Variants in NLGN4X observed in about 807,000 individuals in gnomAD.
NLGN4X encodes neuroligin 4 X-linked, also known as neuroligin-4, X-linked.
A neutral mutation model predicts 40.3 loss-of-function variants in NLGN4X; 3 were observed. The ratio of observed to expected loss-of-function variants is 0.07; its 90% CI spans 0.03 to 0.19. The LOEUF (loss-of-function observed/expected upper bound fraction) is 0.19. Ranked by LOEUF, NLGN4X falls within the 10% of genes least tolerant of loss-of-function variation. The probability of loss-of-function intolerance (pLI) is 1.00; values close to 1 mark genes in which losing one functional copy is unlikely to be tolerated. For synonymous variants in NLGN4X, 270 were observed against 306.8 expected (o/e 0.88, Z 1.25); for missense variants, 382 against 708.3 (o/e 0.54, Z 5.23).
chrX:6,170,225 C>T (rs1427697250), intron 1 of NLGN4X, among the ~76,000 whole-genome samples: 2 of 111,217 alleles, frequency 1.8e-5, no homozygotes, highest in South Asian at 7.7e-4. Flanking sequence ...GCACAAAGTG[C>T]TGGGATTGCA....
chrX:6,114,521 AACACACACACACACACACAC>A (rs529608747), intron 2 of NLGN4X, among the ~76,000 whole-genome samples: 1 of 95,665 alleles, frequency 1.0e-5, no homozygotes, highest in Non-Finnish European at 2.1e-5. Context: ...CAAAGTGGCA[AACACACACACACACACACAC>A]ACACACACAC....
chrX:6,164,581 G>A (rs943272800), intron 1 of NLGN4X, among the ~76,000 whole-genome samples: 9 of 112,001 alleles, frequency 8.0e-5, no homozygotes, highest in Non-Finnish European at 1.5e-4. Flanking sequence ...TGCAAGACAG[G>A]AGCCAGAACC....
chrX:6,159,854 G>A lies in NLGN4X; in HGVS notation c.-305-8083C>T, dbSNP rs747203112. ...TGAAGTAGCAAGGCATAACTGAAGC[G>A]AGACAATCCCTACTGCAGAAAATGG... On this transcript the variant is annotated intron_variant, in intron 1 of 5. Coordinates refer to ENST00000381095, the MANE Select transcript of NLGN4X (RefSeq NM_181332.3). Among the ~76,000 whole-genome samples the A allele has an allele frequency of 2.5e-4, 28 of 112,266 alleles. No individual in the cohort carries two copies. The South Asian group carries it at 8.2e-3, about 33-fold the overall frequency.
At chrX:6,179,143 T>C (rs1362710511) in intron 1 of NLGN4X, among the ~76,000 whole-genome samples, 6 of 35,359 alleles carry the variant, frequency 1.7e-4, no homozygotes, top group African/African-American at 9.3e-4. Context: ...TAAGCATCTA[T>C]TGACCTTTTT....
chrX:5,894,167 C>G (rs2031361574), intron 5 of NLGN4X, among the ~76,000 whole-genome samples: 1 of 111,722 alleles, frequency 9.0e-6, no homozygotes, highest in South Asian at 3.8e-4. Flanking sequence ...CCCTCTGGTG[C>G]ACAGGAGAGA....
intron 1 of NLGN4X, among the ~76,000 whole-genome samples, chrX:6,185,691 C>A (rs912537620): frequency 8.9e-6 from 1 of 111,976 alleles, no homozygotes; most frequent in African/African-American, 3.3e-5. Context: ...TGCATTTAAG[C>A]GTTCCTTTCT....
At chrX:6,138,253 AACTCTGGGTATATTCAT>A (rs1468941503) in intron 2 of NLGN4X, among the ~76,000 whole-genome samples, 5 of 112,125 alleles carry the variant, frequency 4.5e-5, no homozygotes, top group African/African-American at 1.6e-4. Flanking sequence ...ATCTCACATA[AACTCTGGGTATATTCAT>A]AACCTGTAAT....
intron 1 of NLGN4X, among the ~76,000 whole-genome samples, chrX:6,195,425 G>A (rs1382596216): frequency 3.6e-5 from 4 of 111,923 alleles, no homozygotes; most frequent in South Asian, 3.7e-4. Flanking sequence ...CCCACATCCC[G>A]CAATCTCCGC....
rs1030525397 is a variant in NLGN4X, at chrX:6,127,175, G to C, written c.472+23820C>G. ...TATATGACCTCCAGTTCCCTCCCTG[G>C]TAGGTAGGTCCAGTTCAACCTCAGC... On this transcript the variant is annotated intron_variant, in intron 2 of 5. Coordinates refer to ENST00000381095, the MANE Select transcript of NLGN4X (RefSeq NM_181332.3). Among the ~76,000 whole-genome samples the C allele has an allele frequency of 3.6e-5, 4 of 111,509 alleles. No homozygotes were observed. In the East Asian group the frequency reaches 1.1e-3, roughly 32 times the overall value.
At chrX:5,935,514 T>C (rs2033703348) in intron 3 of NLGN4X, among the ~76,000 whole-genome samples, 1 of 112,317 alleles carries the variant, frequency 8.9e-6, no homozygotes, top group African/African-American at 3.2e-5. Flanking sequence ...TGAATAAAAC[T>C]GTCCAACCAC....
At chrX:5,920,143 G>A (rs1455280651) in intron 3 of NLGN4X, among the ~76,000 whole-genome samples, 7 of 111,906 alleles carry the variant, frequency 6.3e-5, no homozygotes, top group Non-Finnish European at 7.5e-5. Context: ...ATGATGAAAG[G>A]GAAACATTCC....
At chrX:6,198,960 G>A (rs5961953) in intron 1 of NLGN4X, among the ~76,000 whole-genome samples, 9,359 of 111,546 alleles carry the variant, frequency 0.084, 302 homozygotes, top group South Asian at 0.16. Context: ...GTATCTCTAG[G>A]ATGGTCCATT....
intron 3 of NLGN4X, among the ~76,000 whole-genome samples, chrX:5,934,989 C>T (rs2033686310): frequency 8.9e-6 from 1 of 111,923 alleles, no homozygotes; most frequent in African/African-American, 3.2e-5. Context: ...TATGAACTCT[C>T]CCAGAAAGCA....
intron 3 of NLGN4X, among the ~76,000 whole-genome samples, chrX:6,002,814 G>A (rs2036003780): frequency 1.8e-5 from 2 of 112,073 alleles, no homozygotes; most frequent in Admixed American, 1.9e-4. Flanking sequence ...TTGGAAAGGG[G>A]AGAAGCAGCT....
chrX:6,188,489 CGCA>C (rs1297779900), intron 1 of NLGN4X, among the ~76,000 whole-genome samples: 2 of 111,067 alleles, frequency 1.8e-5, no homozygotes, highest in Non-Finnish European at 3.8e-5. Context: ...CTTCAAGAAT[CGCA>C]GGTGTCTTTG....
At position 6,151,394 on chromosome X, in the gene NLGN4X, C is replaced by T. The variant is rs1480770358; in HGVS notation, c.73G>A (p.Val25Ile). The change falls in exon 2 of 6, where the codon GTC (valine) becomes ATC (isoleucine). Residue 25 changes from valine (V) to isoleucine (I), a missense_variant. Coordinates refer to ENST00000381095, the MANE Select transcript of NLGN4X (RefSeq NM_181332.3). The part of the protein sequence containing the change: ...TPVCVMLNSN[V>I]LLWLTALAIK... ...GCAAGAGCAGTTAACCACAGGAGGA[C>T]ATTGGAGTTTAACATGACGCAGACC... 1 of 1,209,930 alleles carries T rather than the reference C, an allele frequency of 8.3e-7. No individual in the cohort carries two copies. Among genetic ancestry groups the T allele is most frequent in the Non-Finnish European group, 1.1e-6 (1 of 895,182 alleles).
intron 1 of NLGN4X, among the ~76,000 whole-genome samples, chrX:6,197,894 T>C (rs1923259992): frequency 9.2e-6 from 1 of 108,963 alleles, no homozygotes; most frequent in South Asian, 4.1e-4. Context: ...CGAAACTCTG[T>C]CTCTACAAAA....
intron 2 of NLGN4X, among the ~76,000 whole-genome samples, chrX:6,110,660 G>A: frequency 9.0e-6 from 1 of 111,645 alleles, no homozygotes; most frequent in Non-Finnish European, 1.9e-5. Context: ...GAGCATATCT[G>A]GACAATAAGC....
intron 2 of NLGN4X, among the ~76,000 whole-genome samples, chrX:6,142,460 C>A: frequency 1.8e-5 from 2 of 112,413 alleles, no homozygotes. Flanking sequence ...AATAATCTTT[C>A]ATAATTATCT....
Sources: allele counts gnomAD v4.1 joint callset (sites outside exome capture counted in the v4.1 genomes callset), GRCh38; gene constraint gnomAD v4.1.1; transcripts MANE v1.5; gene names NCBI Gene and HGNC (gene_info 2026-07-23, HGNC 2026-07-21).